PACC1: variants seen among roughly 807,000 people sequenced by gnomAD.
PACC1 encodes proton-activated chloride channel.
Under a neutral mutation model 39.7 loss-of-function variants are expected in PACC1, and 34 were observed. The ratio of observed to expected loss-of-function variants is 0.86; its 90% confidence interval spans 0.65 to 1.14. The LOEUF (loss-of-function observed/expected upper bound fraction) is 1.14. Among genes scored for constraint, PACC1 ranks in the 50% most tolerant of loss-of-function variants. The pLI is 0.00. For missense variants in PACC1, 379 were observed against 436.4 expected (o/e 0.87, Z 1.17); for synonymous variants, 127 against 160.6 (o/e 0.79, Z 1.58).
At chr1:212,393,335 T>C (rs899314265) in intron 2 of PACC1, among the ~76,000 whole-genome samples, 3 of 152,218 alleles carry the variant, frequency 2.0e-5, no homozygotes, top group African/African-American at 7.2e-5. Flanking sequence ...CCTGAATGAC[T>C]ACTGGGTACA....
chr1:212,365,472 C>T, intron 7 of PACC1, 96 bp from the exon 8 acceptor site: 1 of 1,333,972 alleles, frequency 7.5e-7, no homozygotes, highest in Non-Finnish European at 1.0e-6. Context: ...GCTCTTGTCA[C>T]CCAGGCTTGT....
At chr1:212,369,552 G>C (rs1031773859) in intron 7 of PACC1, among the ~76,000 whole-genome samples, 15 of 152,168 alleles carry the variant, frequency 9.9e-5, no homozygotes, top group African/African-American at 3.6e-4. Context: ...AGGCCAAGGT[G>C]GGCAGATTGC....
In PACC1 at chr1:212,413,978, T is replaced by C. The variant is rs4951595; in HGVS notation, c.36+744A>G. Reference sequence around the variant, plus strand: ...GACGGTTGCCAAAGATGACCAAGGTTTGGGGGCCGAGAAGTGGAGGCGGAG... The same window carrying C: ...GACGGTTGCCAAAGATGACCAAGGTCTGGGGGCCGAGAAGTGGAGGCGGAG... On this transcript the variant is annotated intron_variant, in intron 1 of 7. Transcript: ENST00000261455. The C allele has an allele frequency of 0.045, 69,255 of 1,535,566 alleles. 1,988 individuals are homozygous for C. Among genetic ancestry groups the C allele is most frequent in the Admixed American group, 0.12 (5,996 of 50,972 alleles).
At chr1:212,413,209 G>C (rs1047648441) in intron 1 of PACC1, among the ~76,000 whole-genome samples, 1 of 152,164 alleles carries the variant, frequency 6.6e-6, no homozygotes, top group African/African-American at 2.4e-5. Flanking sequence ...AAGGGGATGG[G>C]AGGAGAAATA....
chr1:212,391,254 A>G (rs1661309078), intron 2 of PACC1, among the ~76,000 whole-genome samples: 1 of 152,202 alleles, frequency 6.6e-6, no homozygotes, highest in African/African-American at 2.4e-5. Flanking sequence ...CTCCAGAGGA[A>G]CGATCAGACA....
chr1:212,365,170 A>G lies in PACC1; in HGVS notation c.*45T>C. On this transcript the variant is annotated 3_prime_UTR_variant, in exon 8 of 8. Coordinates refer to ENST00000261455, the MANE Select transcript of PACC1 (RefSeq NM_018252.3). ...CCGTTTACAAAGTGGAAGTGATGAC[A>G]GCTCCCATTGATGTGGACAGTTCTC... 6.3e-7 allele frequency: 1 copy of G among 1,582,984 alleles called. No individual in the cohort carries two copies. The highest frequency in any genetic ancestry group is 8.6e-7 in the Non-Finnish European group (1 of 1,163,268).
chr1:212,377,734 C>A (rs1369886144), intron 5 of PACC1, 28 bp from the exon 6 acceptor site: 3 of 1,612,788 alleles, frequency 1.9e-6, no homozygotes. Flanking sequence ...GAAGGAAGAT[C>A]CAGGTCAATG....
intron 7 of PACC1, among the ~76,000 whole-genome samples, chr1:212,368,482 A>G (rs1159956983): frequency 1.3e-5 from 2 of 152,148 alleles, no homozygotes; most frequent in South Asian, 2.1e-4. Context: ...CTTCAATGAA[A>G]CACAAAGACT....
At chr1:212,378,803 G>A (rs1463093501) in intron 5 of PACC1, among the ~76,000 whole-genome samples, 1 of 152,138 alleles carries the variant, frequency 6.6e-6, no homozygotes, top group East Asian at 1.9e-4. Context: ...CTCACGTGCG[G>A]ATTTTCTTTT....
At position 212,375,281 on chromosome 1, in the gene PACC1, A is replaced by G. The variant is rs1006863673; in HGVS notation, c.803T>C (p.Ile268Thr). ...FRQETSVVNY[I>T]DQRPAAKKSA... ...TTTTTTGGCAGCTGGCCTCTGGTCA[A>G]TGTAGTTAACCACACTTGTCTAGAT... Residue 268 changes from isoleucine to threonine, a missense_variant, in exon 7 of 8, where the codon ATT becomes ACT. Transcript: ENST00000261455. 15 of 1,613,768 alleles carry G rather than the reference A, an allele frequency of 9.3e-6. No individual in the cohort carries two copies. The highest frequency in any genetic ancestry group is 1.6e-4 in the Middle Eastern group (1 of 6,084).
rs753385507 is a variant in PACC1, at chr1:212,377,579, CT to C, written c.765del (p.Val256TrpfsTer43). 25 of 1,614,172 alleles carry C rather than the reference CT, an allele frequency of 1.5e-5. No individual in the cohort carries two copies. Among genetic ancestry groups the C allele is most frequent in the Non-Finnish European group, 2.0e-5 (24 of 1,180,004 alleles). Reference protein sequence around the residue: ...VKTKEEDGREAVEFRQETSVV... With the variant: ...VKTKEEDGREXVEFRQETSVV... ...CCACCTACCTCCTGCCGGAACTCCA[CT>C]GCTTCCCGCCCATCCTCCTCCTTGG... On this transcript the variant is annotated frameshift_variant, in exon 6 of 8. Transcript: ENST00000261455. LOFTEE classifies it high-confidence loss of function.
At position 212,377,702 on chromosome 1, in the gene PACC1, T is replaced by C. The variant is rs1279978400; in HGVS notation, c.643A>G (p.Asn215Asp). ...CAGGCCTGCATGAAGCCTACCCTGT[T>C]TGGGCTTGGAGGAAGGAAGGAGAAG... ...SSFQEFLQSP[N>D]RVGFMQACES... is the part of the protein sequence containing the mutation. Residue 215 changes from asparagine to aspartate, a missense_variant, in exon 6 of 8, where the codon AAC (asparagine) becomes GAC (aspartate). Physicochemically the swap from Asn to Asp is conservative, Grantham distance 23. Coordinates refer to ENST00000261455, the MANE Select transcript of PACC1 (RefSeq NM_018252.3). The C allele has an allele frequency of 5.0e-6, 8 of 1,613,986 alleles. No individual in the cohort carries two copies. In the East Asian group the frequency reaches 1.8e-4, roughly 36 times the overall value.
intron 2 of PACC1, among the ~76,000 whole-genome samples, chr1:212,394,524 A>G (rs928002151): frequency 3.3e-5 from 5 of 152,226 alleles, no homozygotes; most frequent in African/African-American, 9.6e-5. Flanking sequence ...GAAAACTGGC[A>G]CAAGACAGGG....
intron 2 of PACC1, among the ~76,000 whole-genome samples, chr1:212,394,163 A>G (rs1210912280): frequency 6.6e-6 from 1 of 152,258 alleles, no homozygotes; most frequent in East Asian, 1.9e-4. Flanking sequence ...AATATCCCTG[A>G]TGAACATCGA....
rs2102498171 is a variant in PACC1 at position 212,386,295 on chromosome 1, G to C, written c.343+596C>G. On this transcript the variant is annotated intron_variant, in intron 3 of 7. Transcript: ENST00000261455. The surrounding 1 kb of genome is among the most constrained non-coding windows in gnomAD (Gnocchi z 5.0). ...TACTCTACAGCCCCTAGAACATCCA[G>C]TGCCAGCCCTGCAGCCCAGAGCAGA... Among the ~76,000 whole-genome samples the C allele has an allele frequency of 6.6e-6, 1 of 152,278 alleles. No individual in the cohort carries two copies. Among genetic ancestry groups the C allele is most frequent in the Non-Finnish European group, 1.5e-5 (1 of 68,026 alleles).
At chr1:212,408,191 C>T (rs1661992694) in intron 2 of PACC1, among the ~76,000 whole-genome samples, 1 of 151,998 alleles carries the variant, frequency 6.6e-6, no homozygotes, top group Admixed American at 6.6e-5. Flanking sequence ...TACTCAACCT[C>T]CCTGAGGTTG....
rs182066859 is a variant in PACC1 at position 212,405,430 on chromosome 1, A to G, written c.133+4995T>C. On this transcript the variant is annotated intron_variant, in intron 2 of 7. Transcript: ENST00000261455. ...TGACCTATCAACTGTGTTAACTGTT[A>G]CAAAGGAAAGCATATCACAGGGAGA... 7.2e-5 allele frequency among the ~76,000 whole-genome samples: 11 copies of G among 152,404 alleles called. No homozygotes were observed. In the East Asian group the frequency reaches 2.1e-3, roughly 29 times the overall value.
chr1:212,410,747 C>T (rs1043294963), intron 1 of PACC1, among the ~76,000 whole-genome samples: 2 of 152,174 alleles, frequency 1.3e-5, no homozygotes, highest in Non-Finnish European at 2.9e-5. Flanking sequence ...TACCACAAAC[C>T]GAACAGCTTA....
intron 4 of PACC1, among the ~76,000 whole-genome samples, chr1:212,383,963 G>C (rs947249816): frequency 7.4e-4 from 112 of 152,308 alleles, no homozygotes; most frequent in African/African-American, 2.6e-3. Context: ...TATAGGGTGT[G>C]TCTGGCCCAG....
Sources: allele counts gnomAD v4.1 joint callset (sites outside exome capture counted in the v4.1 genomes callset), GRCh38; gene constraint gnomAD v4.1.1; non-coding constraint Gnocchi (gnomAD v3.1); transcripts MANE v1.5; gene names NCBI Gene and HGNC (gene_info 2026-07-23, HGNC 2026-07-21).